Variants in PTPN21 observed in about 807,000 individuals in gnomAD.
PTPN21 encodes protein tyrosine phosphatase non-receptor type 21.
A neutral mutation model predicts 131.8 loss-of-function variants in PTPN21; 77 were observed. That is an observed-to-expected ratio of 0.58 (90% confidence interval 0.49 to 0.71). The LOEUF (loss-of-function observed/expected upper bound fraction) is 0.71, where lower values mean the gene tolerates loss of function less well. Ranked by LOEUF, PTPN21 falls within the 30% of genes least tolerant of loss-of-function variation. The pLI, the probability that PTPN21 is intolerant of heterozygous loss-of-function variation, is 0.00. For missense variants in PTPN21, 1,552 were observed against 1,527.1 expected, an observed-to-expected ratio of 1.02 and a Z score of -0.27; for synonymous variants, 715 against 621.3, an observed-to-expected ratio of 1.15 and a Z score of -2.24.
At position 88,485,176 on chromosome 14, in the gene PTPN21, T is replaced by C; in HGVS notation, c.994-16A>G. ...GGGGTTTAGGCTAAGAAATGGAGAG[T>C]TTGACACAGGGTTGAAACACATTGC... On this transcript the variant is annotated splice_polypyrimidine_tract_variant and intron_variant, in intron 11 of 18. Transcript: ENST00000556564. The C allele has an allele frequency of 6.5e-7, 1 of 1,527,778 alleles. No homozygotes were observed. The highest frequency in any genetic ancestry group is 9.0e-7 in the Non-Finnish European group (1 of 1,115,502). 94.6% of individuals were successfully genotyped at this position (1,527,778 alleles called of 1,614,324 possible). A position where few individuals can be genotyped will look rare whatever the true frequency, so the allele number is the denominator to read the frequency against.
At chr14:88,543,909 T>C (rs965599163) in intron 2 of PTPN21, among the ~76,000 whole-genome samples, 1 of 152,116 alleles carries the variant, frequency 6.6e-6, no homozygotes, top group Admixed American at 6.6e-5. Flanking sequence ...CGCCCCAGCA[T>C]GCACACACCC....
intron 6 of PTPN21, among the ~76,000 whole-genome samples, chr14:88,503,513 G>A (rs2078044255): frequency 6.6e-6 from 1 of 152,190 alleles, no homozygotes; most frequent in Non-Finnish European, 1.5e-5. Flanking sequence ...TACAAATTCA[G>A]TAGGAACTGT....
At chr14:88,482,165 C>A (rs1595355393) in intron 12 of PTPN21, among the ~76,000 whole-genome samples, 1 of 152,196 alleles carries the variant, frequency 6.6e-6, no homozygotes, top group Non-Finnish European at 1.5e-5. Context: ...GGTAAGGGCA[C>A]CTGAGGGTGC....
rs1015116914 is a variant in PTPN21, at chr14:88,554,720, C to A, written c.-272G>T. 3.3e-3 allele frequency: 487 copies of A among 147,916 alleles called. 3 individuals are homozygous for A. Among genetic ancestry groups the A allele is most frequent in the Admixed American group, 7.3e-3 (108 of 14,840 alleles). 9.2% of individuals were successfully genotyped at this position (147,916 alleles called of 1,614,324 possible). A position where few individuals can be genotyped will look rare whatever the true frequency, so the allele number is the denominator to read the frequency against. Reference sequence around the variant, plus strand: ...CTCAGCGACCCGCCTCCCGGGGCCCCGCCGCGCGGCCGCCGCAGCCGCACC... The same window carrying A: ...CTCAGCGACCCGCCTCCCGGGGCCCAGCCGCGCGGCCGCCGCAGCCGCACC... On this transcript the variant is annotated 5_prime_UTR_variant, in exon 1 of 19. Transcript: ENST00000556564.
rs142344226 is a variant in PTPN21, at chr14:88,538,368, C to G, written c.180+11870G>C. ...TTGGAAAATATCTCAGCAGAGAACA[C>G]TCCTGGGATGTATTTCATCAGTCTG... On this transcript the variant is annotated intron_variant, in intron 2 of 18. Coordinates refer to ENST00000556564, the MANE Select transcript of PTPN21 (RefSeq NM_007039.4). 4.6e-3 allele frequency among the ~76,000 whole-genome samples: 699 copies of G among 152,270 alleles called. 7 individuals carry two copies. Among genetic ancestry groups the G allele is most frequent in the African/African-American group, 0.016 (644 of 41,542 alleles).
rs2077356961 is a variant in PTPN21 at position 88,466,019 on chromosome 14, A to G, written c.*2118T>C. 6.6e-6 allele frequency: 1 copy of G among 152,044 alleles called. No homozygotes were observed. Among genetic ancestry groups the G allele is most frequent in the Admixed American group, 6.6e-5 (1 of 15,254 alleles). The allele number at this position is 152,044 out of a possible 1,614,324, so 9.4% of individuals were successfully genotyped here. A position where few individuals can be genotyped will look rare whatever the true frequency, so the allele number is the denominator to read the frequency against. Reference sequence around the variant, plus strand: ...ATGTTCTTGTCAACGAGCTATGTCAAACTGTTTGTTTAAACCTGACAGAAA... The same window carrying G: ...ATGTTCTTGTCAACGAGCTATGTCAGACTGTTTGTTTAAACCTGACAGAAA... On this transcript the variant is annotated 3_prime_UTR_variant, in exon 19 of 19. Transcript: ENST00000556564.
Position 88,469,135 on chromosome 14 carries a change from A to C in PTPN21, c.3236-59T>G. 1.3e-6 allele frequency: 2 copies of C among 1,528,732 alleles called. No homozygotes were observed. The highest frequency in any genetic ancestry group is 1.8e-6 in the Non-Finnish European group (2 of 1,123,650). The allele number at this position is 1,528,732 out of a possible 1,614,324, so 94.7% of individuals were successfully genotyped here. A position where few individuals can be genotyped will look rare whatever the true frequency, so the allele number is the denominator to read the frequency against. On this transcript the variant is annotated intron_variant, in intron 17 of 18. Transcript: ENST00000556564. The surrounding 1 kb of genome is among the most constrained non-coding windows in gnomAD (Gnocchi z 4.3). ...AGGATCAAGGCGTATCACATTGTTG[A>C]CTCAATCTTCATATTCTCTCCACTG...
intron 2 of PTPN21, among the ~76,000 whole-genome samples, chr14:88,543,805 C>T (rs574514978): frequency 1.3e-5 from 2 of 152,142 alleles, no homozygotes; most frequent in African/African-American, 2.4e-5. Context: ...CAACAAAATA[C>T]CCTGGAGGTA....
In PTPN21 at chr14:88,550,509, C is replaced by A; in HGVS notation, c.-92G>T. ...GACGCCAGGAGAAAGCGATCCTCTC[C>A]GGATGGGACGAACACTGTCCGGCCT... is the stretch of plus-strand genomic sequence containing the variant. On this transcript the variant is annotated 5_prime_UTR_variant, in exon 2 of 19. Transcript: ENST00000556564. The A allele has an allele frequency of 4.7e-6, 6 of 1,270,062 alleles. No homozygotes were observed. The highest frequency in any genetic ancestry group is 6.5e-6 in the Non-Finnish European group (6 of 917,718). 78.7% of individuals were successfully genotyped at this position (1,270,062 alleles called of 1,614,324 possible). A position where few individuals can be genotyped will look rare whatever the true frequency, so the allele number is the denominator to read the frequency against.
chr14:88,539,402 A>G (rs2078673977), intron 2 of PTPN21, among the ~76,000 whole-genome samples: 1 of 151,970 alleles, frequency 6.6e-6, no homozygotes, highest in Admixed American at 6.5e-5. Context: ...GGCATGCACC[A>G]CCATGGCCAG....
chr14:88,473,973 G>A (rs1158269887), intron 13 of PTPN21, 171 bp from the exon 14 acceptor site: 1 of 553,756 alleles, frequency 1.8e-6, no homozygotes. Flanking sequence ...ACATTAGTAG[G>A]AAGACATTCC....
In PTPN21 at chr14:88,550,526, G is replaced by GT. The variant is rs2078850507; in HGVS notation, c.-110dup. ...ATCCTCTCCGGATGGGACGAACACT[G>GT]TCCGGCCTCCAGCTGCTCACCCAGC... On this transcript the variant is annotated 5_prime_UTR_variant, in exon 2 of 19. Coordinates refer to ENST00000556564, the MANE Select transcript of PTPN21 (RefSeq NM_007039.4). 1 of 1,076,972 alleles carries GT rather than the reference G, an allele frequency of 9.3e-7. No individual in the cohort carries two copies. Among genetic ancestry groups the GT allele is most frequent in the Non-Finnish European group, 1.3e-6 (1 of 761,310 alleles). The allele number at this position is 1,076,972 out of a possible 1,614,324, so 66.7% of individuals were successfully genotyped here.
intron 4 of PTPN21, among the ~76,000 whole-genome samples, chr14:88,507,033 A>G (rs1816372): frequency 0.24 from 35,670 of 151,696 alleles, 4,337 homozygotes; most frequent in East Asian, 0.32. Context: ...TGGTCCATAG[A>G]GCGAGACTCC....
At chr14:88,542,093 T>A (rs772431064) in intron 2 of PTPN21, among the ~76,000 whole-genome samples, 3 of 152,180 alleles carry the variant, frequency 2.0e-5, no homozygotes, top group Non-Finnish European at 2.9e-5. Flanking sequence ...TGATATAAAA[T>A]CTCAAATCCT....
At chr14:88,539,208 C>G (rs1010573826) in intron 2 of PTPN21, among the ~76,000 whole-genome samples, 2 of 150,338 alleles carry the variant, frequency 1.3e-5, no homozygotes, top group Non-Finnish European at 3.0e-5. Flanking sequence ...CTCAGCTTCC[C>G]GAGTAGCTGA....
chr14:88,510,908 C>T (rs1027453314), intron 3 of PTPN21, among the ~76,000 whole-genome samples: 4 of 146,076 alleles, frequency 2.7e-5, no homozygotes, highest in African/African-American at 1.0e-4. Context: ...GATACACAGA[C>T]AGATAGATTT....
At chr14:88,470,186 G>C in intron 15 of PTPN21, 136 bp from the exon 16 acceptor site, 1 of 741,756 alleles carries the variant, frequency 1.3e-6, no homozygotes, top group Non-Finnish European at 2.1e-6. Flanking sequence ...GGATTATTCA[G>C]CAGAATAAGG....
At chr14:88,517,370 G>T in intron 2 of PTPN21, 109 bp from the exon 3 acceptor site, 2 of 1,217,110 alleles carry the variant, frequency 1.6e-6, no homozygotes, top group Non-Finnish European at 1.2e-6. Flanking sequence ...GTCTCTTATT[G>T]CCTTTCTTCT....
intron 2 of PTPN21, among the ~76,000 whole-genome samples, chr14:88,518,386 G>GTGTGTATA (rs1259300832): frequency 1.6e-3 from 16 of 9,702 alleles, no homozygotes; most frequent in African/African-American, 3.6e-3. Context: ...GTGTGTGTGT[G>GTGTGTATA]TATATATATA....
Sources: allele counts gnomAD v4.1 joint callset (sites outside exome capture counted in the v4.1 genomes callset), GRCh38; gene constraint gnomAD v4.1.1; non-coding constraint Gnocchi (gnomAD v3.1); transcripts MANE v1.5; gene names NCBI Gene and HGNC (gene_info 2026-07-23, HGNC 2026-07-21).